Variants in ZNF226 observed in about 807,000 individuals in gnomAD.
ZNF226 encodes the protein Kruppel-associated box protein.
Under a neutral mutation model 11.4 loss-of-function variants are expected in ZNF226, and 6 were observed. That is an observed-to-expected ratio of 0.53 (90% confidence interval 0.29 to 1.04). The LOEUF (loss-of-function observed/expected upper bound fraction) is 1.04, where lower values mean the gene tolerates loss of function less well. Among genes scored for constraint, ZNF226 ranks in the 50% least tolerant of loss-of-function variants. ZNF226 has a pLI of 0.08. For synonymous variants in ZNF226, 350 were observed against 322.8 expected (o/e 1.08, Z -0.90); for missense variants, 1,058 against 956.5 (o/e 1.11, Z -1.40).
chr19:44,170,693 C>T (rs995419953), intron 3 of ZNF226, among the ~76,000 whole-genome samples: 7 of 152,140 alleles, frequency 4.6e-5, no homozygotes, highest in East Asian at 1.9e-4. Flanking sequence ...GAGATCGTAC[C>T]ACTGCACTCC....
the ZNF226 span, among the ~76,000 whole-genome samples, chr19:44,184,764 A>G: frequency 6.6e-6 from 1 of 152,154 alleles, no homozygotes; most frequent in Non-Finnish European, 1.5e-5. Context: ...ATTATGGTAC[A>G]AAAACACATA....
chr19:44,184,437 G>A, the ZNF226 span, among the ~76,000 whole-genome samples: 16 of 152,034 alleles, frequency 1.1e-4, no homozygotes, highest in African/African-American at 9.7e-5. Context: ...AAAATTAGCC[G>A]GGTGTGGTGG....
the ZNF226 span, among the ~76,000 whole-genome samples, chr19:44,197,301 T>C: frequency 6.6e-6 from 1 of 152,200 alleles, no homozygotes; most frequent in South Asian, 2.1e-4. Context: ...CTGTGAAACA[T>C]TTTCCAAAGT....
intron 5 of ZNF226, 27 bp downstream of exon 5, chr19:44,172,979 T>C (rs1348734593): frequency 6.4e-7 from 1 of 1,552,016 alleles, no homozygotes; most frequent in Non-Finnish European, 8.8e-7. Context: ...TATGAGTTCT[T>C]ATAGTTAACT....
intron 2 of ZNF226, chr19:44,167,718 T>TA (rs1242372496): frequency 6.6e-6 from 1 of 152,208 alleles, no homozygotes; most frequent in Non-Finnish European, 1.5e-5. Context: ...CACCAGTTGT[T>TA]ACGTTTGTTT....
rs1481079826 is a variant in ZNF226 at position 44,176,605 on chromosome 19, A to C, written c.1343A>C (p.Lys448Thr). ...QRVHTGEKPY[K>T]CEECGKGFSR... ...GTCCACACAGGAGAAAAACCCTATA[A>C]ATGTGAGGAATGTGGTAAAGGCTTT... The change falls in exon 6 of 6, where the codon AAA becomes ACA. Residue 448 changes from lysine (K) to threonine (T), a missense_variant. By Grantham distance (78) the Lys-to-Thr change is moderately conservative (BLOSUM62 -1). Transcript: ENST00000337433. 3.1e-6 allele frequency: 5 copies of C among 1,614,052 alleles called. No individual in the cohort carries two copies. In the East Asian group the frequency reaches 1.1e-4, roughly 36 times the overall value.
At chr19:44,178,559 G>A (rs1010206581), downstream of ZNF226, among the ~76,000 whole-genome samples, 1 of 152,044 alleles carries the variant, frequency 6.6e-6, no homozygotes, top group Non-Finnish European at 1.5e-5. Context: ...CTGAGAAAAA[G>A]GACAAAATAT....
intron 2 of ZNF226, chr19:44,166,625 T>G (rs1455381545): frequency 6.6e-6 from 1 of 152,236 alleles, no homozygotes; most frequent in East Asian, 1.9e-4. Context: ...AAATTCCCCA[T>G]GACCTTAGGG....
rs745922674 is a variant in ZNF226, at chr19:44,177,445, AATGTG to A, written c.2189_2193del (p.Asp730ValfsTer3). ...GTCCACACAGGAGAGAAACCATACA[AATGTG>A]ATGTGTGTGGTAAAGTCTTCAGTCG... On this transcript the variant is annotated frameshift_variant, in exon 6 of 6. Transcript: ENST00000337433. LOFTEE classifies it low-confidence loss of function (END_TRUNC). 49 of 1,614,042 alleles carry A rather than the reference AATGTG, an allele frequency of 3.0e-5. No homozygotes were observed. Among genetic ancestry groups the A allele is most frequent in the Admixed American group, 2.0e-4 (12 of 59,994 alleles).
chr19:44,175,318 T>C (rs1054864104), intron 5 of ZNF226, 180 bp from the exon 6 acceptor site: 2 of 1,407,390 alleles, frequency 1.4e-6, no homozygotes, highest in Admixed American at 6.8e-5. Flanking sequence ...GGACCATCTC[T>C]TGGTTTTGGA....
At chr19:44,170,623 A>G (rs7254034) in intron 3 of ZNF226, among the ~76,000 whole-genome samples, 15,017 of 152,170 alleles carry the variant, frequency 0.099, 1,778 homozygotes, top group African/African-American at 0.26. Flanking sequence ...AGTCCCAGCT[A>G]TTCGGGAGGC....
the ZNF226 span, among the ~76,000 whole-genome samples, chr19:44,192,138 C>G: frequency 6.6e-5 from 10 of 152,312 alleles, no homozygotes; most frequent in African/African-American, 2.2e-4. Context: ...ATTGGTTAAA[C>G]AGCAATTCAG....
At chr19:44,180,688 T>C (rs1189261791), downstream of ZNF226, among the ~76,000 whole-genome samples, 7 of 152,216 alleles carry the variant, frequency 4.6e-5, no homozygotes, top group South Asian at 4.1e-4. Flanking sequence ...ACAAAAACTA[T>C]GGACCACAAA....
intron 3 of ZNF226, among the ~76,000 whole-genome samples, chr19:44,171,034 A>G (rs1404832591): frequency 6.6e-6 from 1 of 152,078 alleles, no homozygotes; most frequent in Non-Finnish European, 1.5e-5. Context: ...TCTTACATTT[A>G]TAACATTTAT....
At chr19:44,173,208 G>T in intron 5 of ZNF226, 1 of 538,404 alleles carries the variant, frequency 1.9e-6, no homozygotes. Context: ...ATTTTACATA[G>T]AGTAAAATCC....
chr19:44,170,923 A>AG (rs1970022334), intron 3 of ZNF226, among the ~76,000 whole-genome samples: 1 of 151,922 alleles, frequency 6.6e-6, no homozygotes, highest in African/African-American at 2.4e-5. Flanking sequence ...AAAAAAAAAA[A>AG]AAAATTAATA....
At chr19:44,184,303 C>T in the ZNF226 span, among the ~76,000 whole-genome samples, 10 of 152,066 alleles carry the variant, frequency 6.6e-5, no homozygotes, top group South Asian at 2.1e-4. Context: ...GAGGACTGGC[C>T]GGGTGCGGTT....
the ZNF226 span, among the ~76,000 whole-genome samples, chr19:44,190,422 C>T: frequency 1.3e-5 from 2 of 152,190 alleles, no homozygotes; most frequent in African/African-American, 2.4e-5. Context: ...CAAGCTCCGC[C>T]TCCCGGGTTC....
At chr19:44,175,454 G>A in intron 5 of ZNF226, 44 bp from the exon 6 acceptor site, 3 of 1,527,702 alleles carry the variant, frequency 2.0e-6, no homozygotes, top group Non-Finnish European at 2.6e-6. Context: ...TTAAATCTTT[G>A]AACAAAAAAA....
Sources: gnomAD v4.1 joint callset for allele counts (sites outside exome capture counted in the v4.1 genomes callset) on GRCh38, gnomAD v4.1.1 for gene constraint, MANE v1.5 for transcripts, NCBI Gene and HGNC (gene_info 2026-07-23, HGNC 2026-07-21) for gene names.